The following DYDC2 variants were observed in gnomAD, a reference collection of about 807,000 sequenced individuals.
The protein encoded by DYDC2 is DPY30 domain containing 2.
A neutral mutation model predicts 18.7 loss-of-function variants in DYDC2; 19 were observed. The ratio of observed to expected loss-of-function variants is 1.02; its 90% CI spans 0.71 to 1.49. The LOEUF (loss-of-function observed/expected upper bound fraction) is 1.49, where lower values mean the gene tolerates loss of function less well. Among genes scored for constraint, DYDC2 ranks in the 40% most tolerant of loss-of-function variants. The pLI, the probability that DYDC2 is intolerant of heterozygous loss-of-function variation, is 0.00. For missense variants in DYDC2, 179 were observed against 205.1 expected (o/e 0.87, Z 0.78); for synonymous variants, 63 against 67.6 (o/e 0.93, Z 0.34).
At chr10:80,350,478 T>C (rs1842921212) in intron 1 of DYDC2, among the ~76,000 whole-genome samples, 1 of 152,164 alleles carries the variant, frequency 6.6e-6, no homozygotes, top group African/African-American at 2.4e-5. Context: ...CTGGCCTGTT[T>C]GGATGACAGT....
At chr10:80,363,124 C>A in intron 4 of DYDC2, 51 bp downstream of exon 4, 1 of 1,575,980 alleles carries the variant, frequency 6.3e-7, no homozygotes, top group Non-Finnish European at 8.6e-7. Flanking sequence ...CAGTGATGGA[C>A]TCCAGGAAAG....
rs751911033 is a variant in DYDC2 at position 80,366,917 on chromosome 10, A to C, written c.500A>C (p.His167Pro). The change falls in exon 5 of 5, where the codon CAT becomes CCT. Residue 167 changes from histidine (H) to proline (P), a missense_variant. Physicochemically the swap from His to Pro is moderately conservative, Grantham distance 77. Transcript: ENST00000256039. ...GAGGCTTTTCAGCATGAAGTTGCTC[A>C]TGAAATGCCTCCTGGCTCCAAATCT... Reference protein sequence around the residue: ...YKEAFQHEVAHEMPPGSKSPF With the variant: ...YKEAFQHEVAPEMPPGSKSPF 9 of 1,613,782 alleles carry C rather than the reference A, an allele frequency of 5.6e-6. No individual in the cohort carries two copies. Among genetic ancestry groups the C allele is most frequent in the African/African-American group, 1.3e-5 (1 of 74,922 alleles).
Position 80,367,987 on chromosome 10 carries a change from C to G in DYDC2, c.*1036C>G, listed in dbSNP as rs775400020. 6 of 152,136 alleles carry G rather than the reference C, an allele frequency of 3.9e-5. No individual in the cohort carries two copies. The highest frequency in any genetic ancestry group is 8.8e-5 in the Non-Finnish European group (6 of 68,048). 9.4% of individuals were successfully genotyped at this position (152,136 alleles called of 1,614,324 possible). A position where few individuals can be genotyped will look rare whatever the true frequency, so the allele number is the denominator to read the frequency against. On this transcript the variant is annotated 3_prime_UTR_variant, in exon 5 of 5. Coordinates refer to ENST00000256039, the MANE Select transcript of DYDC2 (RefSeq NM_032372.6). ...AAATAACTCGCCATTTCTCTCTCTCCCCAGCCCCTGGCAACCACCATTCTT... is the reference window on the plus strand; with the variant it reads ...AAATAACTCGCCATTTCTCTCTCTCGCCAGCCCCTGGCAACCACCATTCTT...
upstream of DYDC2, among the ~76,000 whole-genome samples, chr10:80,352,993 G>GT (rs1277123624): frequency 4.6e-5 from 7 of 152,174 alleles, no homozygotes; most frequent in East Asian, 1.2e-3. Context: ...CACAGACAGC[G>GT]TAAGTGCACA....
At chr10:80,348,876 C>T (rs534404057) in intron 1 of DYDC2, among the ~76,000 whole-genome samples, 2 of 152,128 alleles carry the variant, frequency 1.3e-5, no homozygotes, top group Non-Finnish European at 2.9e-5. Flanking sequence ...AACCTCATTA[C>T]AGATCAGCAT....
chr10:80,349,369 T>G (rs537217700), intron 1 of DYDC2, among the ~76,000 whole-genome samples: 21 of 152,356 alleles, frequency 1.4e-4, no homozygotes, highest in Non-Finnish European at 2.5e-4. Context: ...TTGCAAAAAT[T>G]CATTTTCTCT....
chr10:80,347,157 T>C (rs1484700583), intron 1 of DYDC2, among the ~76,000 whole-genome samples: 1 of 152,082 alleles, frequency 6.6e-6, no homozygotes, highest in East Asian at 1.9e-4. Context: ...TGCACTTCCC[T>C]GATGACTAGC....
chr10:80,363,791 T>C (rs990476034), intron 4 of DYDC2, among the ~76,000 whole-genome samples: 1 of 152,232 alleles, frequency 6.6e-6, no homozygotes, highest in Non-Finnish European at 1.5e-5. Context: ...ATATTTAACT[T>C]AGTATTTAGT....
intron 1 of DYDC2, among the ~76,000 whole-genome samples, chr10:80,346,968 T>A (rs1842680985): frequency 6.6e-6 from 1 of 151,772 alleles, no homozygotes; most frequent in Admixed American, 6.6e-5. Context: ...TAATCCCAGC[T>A]ACTCAGGAGG....
intron 2 of DYDC2, among the ~76,000 whole-genome samples, chr10:80,359,990 G>C (rs1024335417): frequency 1.3e-5 from 2 of 152,230 alleles, no homozygotes; most frequent in Non-Finnish European, 2.9e-5. Flanking sequence ...CACCAAGGCC[G>C]AGGAGGTGCC....
At chr10:80,349,315 A>T (rs1842851942) in intron 1 of DYDC2, among the ~76,000 whole-genome samples, 1 of 152,260 alleles carries the variant, frequency 6.6e-6, no homozygotes, top group South Asian at 2.1e-4. Context: ...CTAATAAAAA[A>T]TTTATATTCA....
rs1843493704 is a variant in DYDC2 at position 80,358,035 on chromosome 10, T to C, written c.-20T>C. 3.0e-6 allele frequency: 3 copies of C among 984,128 alleles called. No individual in the cohort carries two copies. The highest frequency in any genetic ancestry group is 3.6e-6 in the Non-Finnish European group (3 of 830,006). 61.0% of individuals were successfully genotyped at this position (984,128 alleles called of 1,614,324 possible). A position where few individuals can be genotyped will look rare whatever the true frequency, so the allele number is the denominator to read the frequency against. On this transcript the variant is annotated 5_prime_UTR_variant, in exon 2 of 5. Transcript: ENST00000256039. ...CTGGGAAACACTGAAAAATAGCCTC[T>C]CCCCCCATTGGTGAGTGTACCCTAA... is the stretch of plus-strand genomic sequence containing the variant.
chr10:80,347,381 A>G (rs1013725122), intron 1 of DYDC2, among the ~76,000 whole-genome samples: 1 of 144,562 alleles, frequency 6.9e-6, no homozygotes, highest in Non-Finnish European at 1.5e-5. Flanking sequence ...TGGTTCACAA[A>G]TATCTTCTCC....
chr10:80,360,220 A>T (rs1281537358), intron 2 of DYDC2, among the ~76,000 whole-genome samples: 1 of 152,138 alleles, frequency 6.6e-6, no homozygotes, highest in Non-Finnish European at 1.5e-5. Flanking sequence ...TAATTCCCTT[A>T]CAGGTCTTGG....
In DYDC2 at chr10:80,351,418, T is replaced by C. The variant is rs534796429; in HGVS notation, c.-309-4879T>C. 3.3e-5 allele frequency among the ~76,000 whole-genome samples: 5 copies of C among 150,990 alleles called. No homozygotes were observed. In the South Asian group the frequency reaches 1.0e-3, roughly 32 times the overall value. ...AAATCAAAACAAACACAAAAACATC[T>C]CTCCTTGCTATCAAAATCTCCTTGA... On this transcript the variant is annotated intron_variant, in intron 1 of 4. Transcript: ENST00000372197.
At chr10:80,359,667 C>G (rs1015992272) in intron 2 of DYDC2, among the ~76,000 whole-genome samples, 4 of 152,150 alleles carry the variant, frequency 2.6e-5, no homozygotes, top group Non-Finnish European at 5.9e-5. Context: ...GGCAAGAATT[C>G]GAGCAAAGTG....
rs76765026 is a variant in DYDC2 at position 80,367,911 on chromosome 10, C to G, written c.*960C>G. 8.6e-5 allele frequency: 13 copies of G among 151,476 alleles called. No homozygotes were observed. Among genetic ancestry groups the G allele is most frequent in the African/African-American group, 2.9e-4 (12 of 41,146 alleles). The allele number at this position is 151,476 out of a possible 1,614,324, so 9.4% of individuals were successfully genotyped here. A position where few individuals can be genotyped will look rare whatever the true frequency, so the allele number is the denominator to read the frequency against. On this transcript the variant is annotated 3_prime_UTR_variant, in exon 5 of 5. Coordinates refer to ENST00000256039, the MANE Select transcript of DYDC2 (RefSeq NM_032372.6). ...TTCTTGTGCAACCATCATCACCATCCGGCTGCAAAACTCTTTCATCTTGCA... is the reference window on the plus strand; with the variant it reads ...TTCTTGTGCAACCATCATCACCATCGGGCTGCAAAACTCTTTCATCTTGCA...
Position 80,363,511 on chromosome 10 carries a change from A to AGT in DYDC2, c.270+438_270+439insGT, listed in dbSNP as rs35505876. 2.3e-3 allele frequency among the ~76,000 whole-genome samples: 317 copies of AGT among 140,458 alleles called. 14 individuals are homozygous for AGT. The highest frequency in any genetic ancestry group is 5.5e-3 in the East Asian group (27 of 4,892). The allele number at this position is 140,458 out of a possible 152,430, so 92.1% of individuals were successfully genotyped here. On this transcript the variant is annotated intron_variant, in intron 4 of 4. Coordinates refer to ENST00000256039, the MANE Select transcript of DYDC2 (RefSeq NM_032372.6). ...AGGCACATGCCACCACGCCCGGCTAATTTTTTTTTTTTTTTTTTAGTAGAG... is the reference window on the plus strand; with the variant it reads ...AGGCACATGCCACCACGCCCGGCTAAGTTTTTTTTTTTTTTTTTTTAGTAGAG...
rs180803703 is a variant in DYDC2 at position 80,359,036 on chromosome 10, T to C, written c.-10+991T>C. Among the ~76,000 whole-genome samples, 23 of 152,196 alleles carry C rather than the reference T, an allele frequency of 1.5e-4. No homozygotes were observed. In the East Asian group the frequency reaches 2.9e-3, roughly 19 times the overall value. Reference sequence around the variant, plus strand: ...AAGAGCAAAAGAACAAAGCTTCCAGTGTGGAAGGGAACCCAGAGCAGGTTG... The same window carrying C: ...AAGAGCAAAAGAACAAAGCTTCCAGCGTGGAAGGGAACCCAGAGCAGGTTG... On this transcript the variant is annotated intron_variant, in intron 2 of 4. Transcript: ENST00000256039.
Sources: allele counts gnomAD v4.1 joint callset (sites outside exome capture counted in the v4.1 genomes callset), GRCh38; gene constraint gnomAD v4.1.1; transcripts MANE v1.5; gene names NCBI Gene and HGNC (gene_info 2026-07-23, HGNC 2026-07-21).